FAM227B: variants seen among roughly 807,000 people sequenced by gnomAD.
FAM227B encodes the protein protein FAM227B.
FAM227B carries 88 observed loss-of-function variants against 73.8 expected under a neutral mutation model. The observed-to-expected ratio is 1.19, with a 90% CI of 1.00 to 1.42. The LOEUF (loss-of-function observed/expected upper bound fraction) is 1.42, where lower values mean the gene tolerates loss of function less well. FAM227B is among the 40% of genes most tolerant of loss of function. The probability of loss-of-function intolerance (pLI) is 0.00; values close to 1 mark genes in which losing one functional copy is unlikely to be tolerated. For synonymous variants in FAM227B, 210 were observed against 190.5 expected (o/e 1.10, Z -0.84); for missense variants, 632 against 590.9 (o/e 1.07, Z -0.72).
chr15:49,372,382 G>C (rs2045904357), intron 11 of FAM227B, among the ~76,000 whole-genome samples: 1 of 152,160 alleles, frequency 6.6e-6, no homozygotes, highest in South Asian at 2.1e-4. Context: ...TAAAGTGCAA[G>C]TTCTATGACT....
chr15:49,417,964 C>A (rs546712867), intron 11 of FAM227B, among the ~76,000 whole-genome samples: 1 of 152,084 alleles, frequency 6.6e-6, no homozygotes, highest in African/African-American at 2.4e-5. Flanking sequence ...GGAGCTTAAA[C>A]AAATTTATAA....
chr15:49,357,768 A>G (rs1044090857), intron 13 of FAM227B, among the ~76,000 whole-genome samples: 8 of 152,110 alleles, frequency 5.3e-5, no homozygotes, highest in East Asian at 1.9e-4. Context: ...ACCAAAGCCA[A>G]GCAGAGACAC....
chr15:49,463,136 G>A (rs1215974161), intron 11 of FAM227B, among the ~76,000 whole-genome samples: 3 of 152,178 alleles, frequency 2.0e-5, no homozygotes, highest in Admixed American at 6.5e-5. Context: ...GCCTCCATCA[G>A]CTCCTGCTTA....
intron 9 of FAM227B, among the ~76,000 whole-genome samples, chr15:49,556,572 G>A (rs537133538): frequency 5.9e-5 from 9 of 152,322 alleles, no homozygotes; most frequent in South Asian, 2.1e-4. Context: ...GCCACTGCAA[G>A]AGCTTTAATG....
chr15:49,330,369 T>C (rs1336714553), intron 15 of FAM227B: 6 of 152,184 alleles, frequency 3.9e-5, no homozygotes, highest in African/African-American at 1.4e-4. Flanking sequence ...CAGATGTATA[T>C]AGTTTGGCCC....
rs71120696 is a variant in FAM227B, at chr15:49,591,484, C to CTTT, written c.106-1480_106-1478dup. ...AGCCACTGCACCTGGCCCTTCCTTC[C>CTTT]TTTTTTTTTTTTTTTTTTTTTTTTG... is the stretch of plus-strand genomic sequence containing the variant. On this transcript the variant is annotated intron_variant, in intron 3 of 15. Coordinates refer to ENST00000299338, the MANE Select transcript of FAM227B (RefSeq NM_152647.3). Among the ~76,000 whole-genome samples, 84 of 55,408 alleles carry CTTT rather than the reference C, an allele frequency of 1.5e-3. 1 individual carries two copies. Among genetic ancestry groups the CTTT allele is most frequent in the Non-Finnish European group, 2.0e-3 (60 of 29,304 alleles). 36.3% of individuals were successfully genotyped at this position (55,408 alleles called of 152,430 possible).
intron 11 of FAM227B, among the ~76,000 whole-genome samples, chr15:49,393,151 G>A (rs751172159): frequency 7.9e-5 from 12 of 152,304 alleles, no homozygotes; most frequent in Non-Finnish European, 1.6e-4. Context: ...GTTTTGGTGA[G>A]TGAGGTCAGT....
chr15:49,361,670 TTA>T (rs1020795261), intron 13 of FAM227B, among the ~76,000 whole-genome samples: 22 of 152,270 alleles, frequency 1.4e-4, no homozygotes, highest in African/African-American at 5.3e-4. Context: ...GTTGAATTCC[TTA>T]TCTTTACTAT....
At chr15:49,598,656 T>A (rs2077019058) in intron 3 of FAM227B, among the ~76,000 whole-genome samples, 1 of 152,062 alleles carries the variant, frequency 6.6e-6, no homozygotes, top group Non-Finnish European at 1.5e-5. Flanking sequence ...TTTAAAATCA[T>A]GAAGCAATGC....
intron 9 of FAM227B, among the ~76,000 whole-genome samples, chr15:49,556,059 C>T (rs543981324): frequency 4.6e-5 from 7 of 152,208 alleles, no homozygotes; most frequent in South Asian, 2.1e-4. Context: ...ACCTGCTCAT[C>T]GAGTCTGACA....
At chr15:49,612,788 A>G (rs938798214) in intron 2 of FAM227B, among the ~76,000 whole-genome samples, 1 of 152,152 alleles carries the variant, frequency 6.6e-6, no homozygotes, top group East Asian at 1.9e-4. Flanking sequence ...CATGTTTTAG[A>G]AAAAAATGCT....
At chr15:49,422,653 G>A (rs1255810107) in intron 11 of FAM227B, 39 of 1,110,092 alleles carry the variant, frequency 3.5e-5, no homozygotes, top group Middle Eastern at 3.9e-4. Context: ...TAACTTGCCC[G>A]AAGTCATACT....
intron 9 of FAM227B, among the ~76,000 whole-genome samples, chr15:49,566,536 G>A (rs566446650): frequency 3.9e-4 from 60 of 152,238 alleles, no homozygotes; most frequent in Admixed American, 2.6e-3. Context: ...ATAGTGGACT[G>A]GAAGATAATT....
intron 11 of FAM227B, among the ~76,000 whole-genome samples, chr15:49,501,883 G>A (rs1301019595): frequency 1.3e-5 from 2 of 152,194 alleles, no homozygotes; most frequent in East Asian, 3.9e-4. Flanking sequence ...CACAGTCTTG[G>A]GCCACTGCTC....
At chr15:49,508,405 T>G (rs920867288) in intron 10 of FAM227B, 57 bp from the exon 11 acceptor site, 4 of 1,414,040 alleles carry the variant, frequency 2.8e-6, no homozygotes, top group Non-Finnish European at 3.8e-6. Flanking sequence ...AAATACCTTT[T>G]AATTTGTCAA....
chr15:49,532,485 A>G (rs936033982), intron 10 of FAM227B, among the ~76,000 whole-genome samples: 1 of 151,904 alleles, frequency 6.6e-6, no homozygotes, highest in Non-Finnish European at 1.5e-5. Context: ...ATTAATGACA[A>G]ATATTTTTGT....
chr15:49,427,790 G>T (rs181892686), intron 11 of FAM227B, among the ~76,000 whole-genome samples: 1 of 152,038 alleles, frequency 6.6e-6, no homozygotes, highest in African/African-American at 2.4e-5. Flanking sequence ...ATATCTAGAT[G>T]TATAATTCTG....
chr15:49,437,174 A>G (rs1003478529), intron 11 of FAM227B, among the ~76,000 whole-genome samples: 3 of 151,582 alleles, frequency 2.0e-5, no homozygotes, highest in Admixed American at 6.6e-5. Flanking sequence ...CATATATTAT[A>G]TATTAAATTG....
At position 49,577,086 on chromosome 15, in the gene FAM227B, C is replaced by G. The variant is rs564581508; in HGVS notation, c.442-241G>C. 35 of 372,568 alleles carry G rather than the reference C, an allele frequency of 9.4e-5. 1 individual carries two copies. The South Asian group carries it at 1.3e-3, about 13-fold the overall frequency. The allele number at this position is 372,568 out of a possible 1,614,324, so 23.1% of individuals were successfully genotyped here. A position where few individuals can be genotyped will look rare whatever the true frequency, so the allele number is the denominator to read the frequency against. On this transcript the variant is annotated intron_variant, in intron 6 of 15. Transcript: ENST00000299338. ...CTGAAGTGGGTGGATCACTTGAGGT[C>G]GGGAGTTCGAGACCAGCCTGGACAA...
Sources: allele counts gnomAD v4.1 joint callset (sites outside exome capture counted in the v4.1 genomes callset), GRCh38; gene constraint gnomAD v4.1.1; transcripts MANE v1.5; gene names NCBI Gene and HGNC (gene_info 2026-07-23, HGNC 2026-07-21).